The following DLG2 variants were observed in gnomAD, a reference collection of about 807,000 sequenced individuals.
The protein encoded by DLG2 is disks large homolog 2.
A neutral mutation model predicts 132.5 loss-of-function variants in DLG2; 45 were observed. The observed-to-expected ratio is 0.34, with a 90% CI of 0.27 to 0.44. DLG2 has a LOEUF of 0.44. DLG2 is among the 20% of genes least tolerant of loss of function. The pLI is 1.00. For missense variants in DLG2, 1,045 were observed against 1,196.9 expected (o/e 0.87, Z 1.87); for synonymous variants, 424 against 419.6 (o/e 1.01, Z -0.13).
rs2070213304 is a variant in DLG2 at position 85,098,177 on chromosome 11, G to T, written c.357+13484C>A. Among the ~76,000 whole-genome samples, 5 of 152,188 alleles carry T rather than the reference G, an allele frequency of 3.3e-5. No homozygotes were observed. In the South Asian group the frequency reaches 1.0e-3, roughly 31 times the overall value. ...CTAAGACATTTCCTAAATTAAGTAAGCAGTGGAGATAGGATTTTAACCCGG... is the reference window on the plus strand; with the variant it reads ...CTAAGACATTTCCTAAATTAAGTAATCAGTGGAGATAGGATTTTAACCCGG... On this transcript the variant is annotated intron_variant, in intron 6 of 27. Transcript: ENST00000376104.
chr11:85,136,036 C>T (rs1377489510), intron 5 of DLG2, among the ~76,000 whole-genome samples: 2 of 152,038 alleles, frequency 1.3e-5, no homozygotes, highest in East Asian at 3.9e-4. Flanking sequence ...TGCGTGCACT[C>T]TATTGTATTT....
chr11:83,906,081 C>G (rs200289709), intron 15 of DLG2, among the ~76,000 whole-genome samples: 11 of 96,604 alleles, frequency 1.1e-4, no homozygotes, highest in Admixed American at 9.0e-4. Context: ...CTCTCTCTCT[C>G]TATATATATA....
At chr11:83,652,066 T>C (rs1408832814) in intron 18 of DLG2, 2 of 305,526 alleles carry the variant, frequency 6.5e-6, no homozygotes, top group East Asian at 7.9e-5. Flanking sequence ...CTTTTCTCAG[T>C]ATAAATTAAA....
chr11:83,746,036 C>CCAAAATCACAATGAGTT (rs2092885257), intron 18 of DLG2, among the ~76,000 whole-genome samples: 1 of 152,176 alleles, frequency 6.6e-6, no homozygotes, highest in African/African-American at 2.4e-5. Context: ...GTTACCATCT[C>CCAAAATCACAATGAGTT]ACACCAGTTA....
At chr11:84,666,841 C>T (rs1036402211) in intron 6 of DLG2, among the ~76,000 whole-genome samples, 34 of 151,842 alleles carry the variant, frequency 2.2e-4, no homozygotes, top group Non-Finnish European at 4.3e-4. Flanking sequence ...AACCAAGAAA[C>T]ACAAAACTGG....
chr11:85,445,861 G>C (rs1336401804), intron 3 of DLG2, among the ~76,000 whole-genome samples: 1 of 152,116 alleles, frequency 6.6e-6, no homozygotes, highest in East Asian at 1.9e-4. Context: ...TGAAACCATT[G>C]ATGGAGGAAA....
At chr11:84,845,370 T>C (rs770069308) in intron 6 of DLG2, among the ~76,000 whole-genome samples, 2 of 152,106 alleles carry the variant, frequency 1.3e-5, no homozygotes, top group Non-Finnish European at 2.9e-5. Context: ...GGTACAACGA[T>C]ACACAAAACA....
At chr11:84,254,790 A>G (rs2097439533) in intron 7 of DLG2, among the ~76,000 whole-genome samples, 1 of 152,236 alleles carries the variant, frequency 6.6e-6, no homozygotes, top group African/African-American at 2.4e-5. Flanking sequence ...TGTGGAATCT[A>G]TGTTATATGG....
chr11:84,722,310 T>G (rs1307701426), intron 6 of DLG2, among the ~76,000 whole-genome samples: 3 of 152,194 alleles, frequency 2.0e-5, no homozygotes, highest in Non-Finnish European at 4.4e-5. Context: ...ATCCTCCTGA[T>G]GCAATTCCAT....
At chr11:84,994,317 G>A (rs1171178379) in intron 6 of DLG2, among the ~76,000 whole-genome samples, 1 of 152,102 alleles carries the variant, frequency 6.6e-6, no homozygotes, top group Non-Finnish European at 1.5e-5. Context: ...AACAGAATTG[G>A]TACTTCAAGT....
At chr11:84,624,590 C>G (rs2099619028) in intron 6 of DLG2, among the ~76,000 whole-genome samples, 1 of 151,682 alleles carries the variant, frequency 6.6e-6, no homozygotes, top group Non-Finnish European at 1.5e-5. Flanking sequence ...TATTATTAAC[C>G]TTAATAAAAT....
At chr11:84,790,911 T>C (rs2073744699) in intron 6 of DLG2, among the ~76,000 whole-genome samples, 1 of 152,212 alleles carries the variant, frequency 6.6e-6, no homozygotes, top group Non-Finnish European at 1.5e-5. Context: ...TATGGATTTA[T>C]TTCTTTGTTC....
chr11:84,586,987 AC>A (rs2154529998), intron 6 of DLG2, among the ~76,000 whole-genome samples: 1 of 152,330 alleles, frequency 6.6e-6, no homozygotes, highest in African/African-American at 2.4e-5. Flanking sequence ...AAACTCAATC[AC>A]TTTTTTGCAG....
At chr11:84,856,010 A>G (rs2082737625) in intron 6 of DLG2, among the ~76,000 whole-genome samples, 1 of 151,982 alleles carries the variant, frequency 6.6e-6, no homozygotes, top group Non-Finnish European at 1.5e-5. Flanking sequence ...CTCTAAAATA[A>G]TTCCCCTGAA....
chr11:84,760,265 G>A (rs779099450), intron 6 of DLG2, among the ~76,000 whole-genome samples: 1 of 152,100 alleles, frequency 6.6e-6, no homozygotes, highest in Non-Finnish European at 1.5e-5. Flanking sequence ...TCTATCCAGG[G>A]CTGCCAAGCA....
chr11:84,714,391 GA>G (rs558422029), intron 6 of DLG2, among the ~76,000 whole-genome samples: 47 of 152,062 alleles, frequency 3.1e-4, no homozygotes, highest in Middle Eastern at 3.4e-3. Context: ...GTCTAGGCAG[GA>G]AAAAGGGGTC....
At chr11:84,317,299 C>G in intron 7 of DLG2, 1 of 1,442,822 alleles carries the variant, frequency 6.9e-7, no homozygotes, top group Non-Finnish European at 9.1e-7. Flanking sequence ...ATCGTGGGAG[C>G]AGTGGGAGCA....
intron 4 of DLG2, among the ~76,000 whole-genome samples, chr11:85,192,769 T>C (rs1375833177): frequency 6.6e-6 from 1 of 152,188 alleles, no homozygotes; most frequent in Non-Finnish European, 1.5e-5. Flanking sequence ...GTCATCTCCC[T>C]GAATCAAGTG....
At chr11:83,499,801 CATATATATATTTCCTCTAATAGG>C (rs2094350074) in intron 21 of DLG2, among the ~76,000 whole-genome samples, 1 of 128,222 alleles carries the variant, frequency 7.8e-6, no homozygotes, top group Non-Finnish European at 1.6e-5. Context: ...TATATAATAT[CATATATATATTTCCTCTAATAGG>C]ATATATATAT....
Sources: gnomAD v4.1 joint callset for allele counts (sites outside exome capture counted in the v4.1 genomes callset) on GRCh38, gnomAD v4.1.1 for gene constraint, MANE v1.5 for transcripts, NCBI Gene and HGNC (gene_info 2026-07-23, HGNC 2026-07-21) for gene names.